Variants in CREB5 observed in about 807,000 individuals in gnomAD.
CREB5 encodes cAMP responsive element binding protein 5, also known as cyclic AMP-responsive element-binding protein 5.
Under a neutral mutation model 57.1 loss-of-function variants are expected in CREB5, and 19 were observed. That is an observed-to-expected ratio of 0.33 (90% CI 0.23 to 0.49). CREB5 has a LOEUF of 0.49. CREB5 is among the 20% of genes least tolerant of loss of function. The pLI, the probability that CREB5 is intolerant of heterozygous loss-of-function variation, is 0.99. For missense variants in CREB5, 579 were observed against 671.6 expected (o/e 0.86, Z 1.52); for synonymous variants, 238 against 238.3 (o/e 1.00, Z 0.01).
Position 28,803,775 on chromosome 7 carries a change from A to AAATT in CREB5, c.703-422_703-421insTTAA, listed in dbSNP as rs1374593396. Among the ~76,000 whole-genome samples the AAATT allele has an allele frequency of 2.5e-4, 38 of 151,648 alleles. 1 individual carries two copies. The highest frequency in any genetic ancestry group is 2.0e-4 in the Admixed American group (3 of 15,224). ...CATCTCAAAAAAAAAAAAAAAAAAA[A>AAATT]AAATTAAATACAGTAGCACACCAGA... On this transcript the variant is annotated intron_variant, in intron 7 of 10. Transcript: ENST00000357727.
chr7:28,349,259 T>C (rs1487387544), intron 1 of CREB5, among the ~76,000 whole-genome samples: 1 of 152,182 alleles, frequency 6.6e-6, no homozygotes, highest in South Asian at 2.1e-4. Context: ...AAAGAAAATA[T>C]CAAAGTGCAC....
chr7:28,708,899 A>T (rs1369906928), intron 5 of CREB5, among the ~76,000 whole-genome samples: 1 of 152,216 alleles, frequency 6.6e-6, no homozygotes, highest in Non-Finnish European at 1.5e-5. Context: ...TTATTCATTT[A>T]TGGTGAATGA....
chr7:28,527,484 G>T (rs1779929806), intron 4 of CREB5, among the ~76,000 whole-genome samples: 1 of 152,148 alleles, frequency 6.6e-6, no homozygotes. Flanking sequence ...TGCTGATGCT[G>T]CTGGTCTGGG....
At chr7:28,607,699 T>C (rs1797194355) in intron 5 of CREB5, among the ~76,000 whole-genome samples, 1 of 150,860 alleles carries the variant, frequency 6.6e-6, no homozygotes, top group Non-Finnish European at 1.5e-5. Context: ...TAAAGAACAT[T>C]GACTCTTACC....
At chr7:28,541,585 T>C (rs1366932002) in intron 4 of CREB5, among the ~76,000 whole-genome samples, 1 of 152,148 alleles carries the variant, frequency 6.6e-6, no homozygotes, top group Non-Finnish European at 1.5e-5. Flanking sequence ...GAGAATCACT[T>C]GAACCCGGGA....
intron 1 of CREB5, among the ~76,000 whole-genome samples, chr7:28,428,861 C>G (rs574382662): frequency 2.7e-4 from 41 of 152,282 alleles, no homozygotes; most frequent in Middle Eastern, 3.4e-3. Context: ...ATCAGGTCCT[C>G]ACAGGGACCA....
chr7:28,400,596 A>T (rs77710767), intron 1 of CREB5, among the ~76,000 whole-genome samples: 1 of 152,188 alleles, frequency 6.6e-6, no homozygotes, highest in African/African-American at 2.4e-5. Flanking sequence ...AGAGCCAGGT[A>T]GGGAAGCTTT....
chr7:28,655,804 A>G (rs921235434), intron 5 of CREB5, among the ~76,000 whole-genome samples: 10 of 152,174 alleles, frequency 6.6e-5, no homozygotes, highest in Admixed American at 5.2e-4. Context: ...TTGCAAATGA[A>G]CACATTTTGG....
At chr7:28,561,009 T>TGTGTGC (rs1795242026) in intron 4 of CREB5, among the ~76,000 whole-genome samples, 2 of 49,256 alleles carry the variant, frequency 4.1e-5, no homozygotes, top group African/African-American at 2.1e-4. Flanking sequence ...CGTGTGCGTG[T>TGTGTGC]GTGTGTGCGT....
chr7:28,489,296 C>CTTT (rs70977046), intron 2 of CREB5, among the ~76,000 whole-genome samples: 19,207 of 96,480 alleles, frequency 0.2, 2,968 homozygotes, highest in African/African-American at 0.33. Flanking sequence ...GAGGACCCTT[C>CTTT]TTTTTTTTTT....
chr7:28,711,505 A>G (rs933401387), intron 5 of CREB5, among the ~76,000 whole-genome samples: 1 of 152,240 alleles, frequency 6.6e-6, no homozygotes, highest in African/African-American at 2.4e-5. Flanking sequence ...ACATGAGCTC[A>G]TTCACAAAAA....
At chr7:28,369,455 T>C (rs1786660975) in intron 1 of CREB5, among the ~76,000 whole-genome samples, 1 of 150,014 alleles carries the variant, frequency 6.7e-6, no homozygotes. Flanking sequence ...TGTCCAGCTC[T>C]ACGGACATTG....
intron 1 of CREB5, among the ~76,000 whole-genome samples, chr7:28,427,498 G>A (rs1583449928): frequency 2.0e-5 from 3 of 152,206 alleles, no homozygotes; most frequent in African/African-American, 7.2e-5. Context: ...CCTTAGGCTG[G>A]TTGAAAAATC....
chr7:28,529,672 G>A (rs1331473189), intron 4 of CREB5, among the ~76,000 whole-genome samples: 1 of 152,168 alleles, frequency 6.6e-6, no homozygotes, highest in African/African-American at 2.4e-5. Flanking sequence ...ATGGCCCTCT[G>A]AGAGGGAGAG....
At chr7:28,683,367 A>C (rs1477272067) in intron 5 of CREB5, among the ~76,000 whole-genome samples, 4 of 152,174 alleles carry the variant, frequency 2.6e-5, no homozygotes, top group African/African-American at 9.7e-5. Context: ...AAGGGGCAGG[A>C]GGGAATAGTT....
intron 1 of CREB5, among the ~76,000 whole-genome samples, chr7:28,311,190 A>G (rs1265518233): frequency 6.6e-6 from 1 of 151,748 alleles, no homozygotes; most frequent in Non-Finnish European, 1.5e-5. Flanking sequence ...GTTTTGTGAA[A>G]CCAGTAAGAG....
chr7:28,359,645 A>G (rs1410150872), intron 1 of CREB5, among the ~76,000 whole-genome samples: 1 of 152,166 alleles, frequency 6.6e-6, no homozygotes, highest in Admixed American at 6.5e-5. Context: ...GGAAAACCAC[A>G]CAACACTGGT....
intron 9 of CREB5, among the ~76,000 whole-genome samples, chr7:28,817,399 T>C (rs1163443134): frequency 6.6e-6 from 1 of 152,214 alleles, no homozygotes; most frequent in Non-Finnish European, 1.5e-5. Flanking sequence ...CAGGGATTCA[T>C]GACTGAAGGT....
chr7:28,753,268 A>G (rs1805087330), intron 7 of CREB5, among the ~76,000 whole-genome samples: 1 of 152,220 alleles, frequency 6.6e-6, no homozygotes, highest in African/African-American at 2.4e-5. Context: ...ATGTTTTCAA[A>G]AACAAATGCC....
Sources: gnomAD v4.1 joint callset for allele counts (sites outside exome capture counted in the v4.1 genomes callset) on GRCh38, gnomAD v4.1.1 for gene constraint, MANE v1.5 for transcripts, NCBI Gene and HGNC (gene_info 2026-07-23, HGNC 2026-07-21) for gene names.